Variants in ANXA1 observed in about 807,000 individuals in gnomAD.
ANXA1 encodes annexin A1.
A neutral mutation model predicts 47.9 loss-of-function variants in ANXA1; 39 were observed. The observed-to-expected ratio is 0.81, with a 90% CI of 0.63 to 1.06. The LOEUF is 1.06. ANXA1 is among the 50% of genes least tolerant of loss of function. ANXA1 has a pLI of 0.00. For synonymous variants in ANXA1, 146 were observed against 142.5 expected (o/e 1.02, Z -0.17); for missense variants, 446 against 422.7 (o/e 1.06, Z -0.48).
chr9:73,155,833 GCTCT>G (rs1258091950), intron 1 of ANXA1, among the ~76,000 whole-genome samples: 4 of 151,880 alleles, frequency 2.6e-5, no homozygotes, highest in Non-Finnish European at 4.4e-5. Context: ...CTCTAGGGAT[GCTCT>G]CTCTTTCAAA....
chr9:73,158,381 T>C (rs1402441378), intron 1 of ANXA1, 141 bp from the exon 2 acceptor site: 2 of 624,664 alleles, frequency 3.2e-6, no homozygotes, highest in Non-Finnish European at 2.8e-6. Flanking sequence ...CATTTTGTTA[T>C]GCTCCTAAGT....
At chr9:73,162,742 T>C (rs747664737) in intron 6 of ANXA1, 40 bp from the exon 7 acceptor site, 5 of 1,461,694 alleles carry the variant, frequency 3.4e-6, no homozygotes, top group Non-Finnish European at 4.8e-6. Flanking sequence ...TTATTATTCA[T>C]CACTGGTTTA....
rs1233393791 is a variant in ANXA1 at position 73,163,482 on chromosome 9, C to A, written c.562C>A (p.Arg188=). 1 of 1,612,534 alleles carries A rather than the reference C, an allele frequency of 6.2e-7. No individual in the cohort carries two copies. The highest frequency in any genetic ancestry group is 8.5e-7 in the Non-Finnish European group (1 of 1,179,002). ...NALLSLAKGD[R]SEDFGVNEDL... ...AGAATGGGATTTCTTTCAGGGTGAC[C>A]GATCTGAGGACTTTGGTGTGAATGA... Residue 188 remains arginine, a synonymous_variant, in exon 8 of 13, where the codon CGA becomes AGA. Coordinates refer to ENST00000257497, the MANE Select transcript of ANXA1 (RefSeq NM_000700.3).
intron 6 of ANXA1, among the ~76,000 whole-genome samples, chr9:73,161,921 T>G (rs1824149597): frequency 6.6e-6 from 1 of 152,158 alleles, no homozygotes; most frequent in Admixed American, 6.6e-5. Context: ...AAGAAATATC[T>G]GAGACCAAGT....
chr9:73,165,015 C>A, intron 8 of ANXA1, 101 bp from the exon 9 acceptor site: 1 of 857,586 alleles, frequency 1.2e-6, no homozygotes, highest in Non-Finnish European at 1.9e-6. Flanking sequence ...TTGTATTGGG[C>A]ACAAAGCGAT....
intron 8 of ANXA1, among the ~76,000 whole-genome samples, chr9:73,163,805 A>G (rs984109232): frequency 2.0e-5 from 3 of 152,030 alleles, no homozygotes; most frequent in African/African-American, 7.2e-5. Flanking sequence ...ATTGTTTGTT[A>G]AAAAAAACTC....
chr9:73,163,603 C>T, intron 8 of ANXA1, 71 bp downstream of exon 8: 1 of 1,496,166 alleles, frequency 6.7e-7, no homozygotes, highest in Non-Finnish European at 9.3e-7. Context: ...ACATGATCCC[C>T]TGTGAAAGCA....
At position 73,162,878 on chromosome 9, in the gene ANXA1, T is replaced by G; in HGVS notation, c.555+17T>G. 1 of 1,588,824 alleles carries G rather than the reference T, an allele frequency of 6.3e-7. No individual in the cohort carries two copies. The highest frequency in any genetic ancestry group is 8.6e-7 in the Non-Finnish European group (1 of 1,158,404). ...CTTGCTAAGGTACAACTCAGATACTTTAGGAAATGCCTCTTGTTTTATAAA... is the reference window on the plus strand; with the variant it reads ...CTTGCTAAGGTACAACTCAGATACTGTAGGAAATGCCTCTTGTTTTATAAA... On this transcript the variant is annotated intron_variant, in intron 7 of 12. Transcript: ENST00000257497.
At chr9:73,157,653 CAAAAAAAAAAAAA>C (rs373035373) in intron 1 of ANXA1, 4 of 42,634 alleles carry the variant, frequency 9.4e-5, no homozygotes, top group Non-Finnish European at 2.1e-4. Context: ...GACTCCATCT[CAAAAAAAAAAAAA>C]AAAAAAAAAG....
At chr9:73,161,868 A>G (rs1357018412) in intron 6 of ANXA1, among the ~76,000 whole-genome samples, 1 of 152,184 alleles carries the variant, frequency 6.6e-6, no homozygotes, top group African/African-American at 2.4e-5. Flanking sequence ...AGTTTATTAC[A>G]TTGCCCAGTT....
chr9:73,162,505 C>T (rs62541553), intron 6 of ANXA1, among the ~76,000 whole-genome samples: 10,427 of 152,194 alleles, frequency 0.069, 423 homozygotes, highest in East Asian at 0.16. Context: ...TATACCTATA[C>T]AATTTATTCT....
rs1300494148 is a variant in ANXA1, at chr9:73,160,903, A to G, written c.475+10A>G. On this transcript the variant is annotated intron_variant, in intron 6 of 12. Transcript: ENST00000257497. ...AGGGTCTACAGAGAGGGTAAGTTGT[A>G]ATGTCCAACAGTCCAAACGCCTTAT... is the stretch of plus-strand genomic sequence containing the variant. 1.9e-6 allele frequency: 3 copies of G among 1,564,268 alleles called. No homozygotes were observed. The highest frequency in any genetic ancestry group is 1.7e-5 in the Admixed American group (1 of 59,444).
rs1241856536 is a variant in ANXA1, at chr9:73,167,530, C to A, written c.836C>A (p.Ala279Glu). Residue 279 changes from alanine to glutamate, a missense_variant, in exon 11 of 13, where the codon GCA (alanine) becomes GAA (glutamate). Transcript: ENST00000257497. Reference protein sequence around the residue: ...KCATSKPAFFAEKLHQAMKGV... With the variant: ...KCATSKPAFFEEKLHQAMKGV... ...GCCACAAGCAAACCAGCTTTCTTTG[C>A]AGAGAAGCTTCATCAAGCCATGAAA... is the stretch of plus-strand genomic sequence containing the variant. 2 of 1,613,402 alleles carry A rather than the reference C, an allele frequency of 1.2e-6. No individual in the cohort carries two copies.
chr9:73,157,191 G>A (rs1824061265), intron 1 of ANXA1, among the ~76,000 whole-genome samples: 1 of 152,056 alleles, frequency 6.6e-6, no homozygotes, highest in Admixed American at 6.6e-5. Context: ...GCTCAAATAG[G>A]AAGAAATGTG....
At position 73,170,289 on chromosome 9, in the gene ANXA1, TA is replaced by T; in HGVS notation, c.*187del. On this transcript the variant is annotated 3_prime_UTR_variant, in exon 13 of 13. Coordinates refer to ENST00000257497, the MANE Select transcript of ANXA1 (RefSeq NM_000700.3). ...GTATAATAGAGATAAGTCCATTTTT[TA>T]AAAATGTTTTCCCCAAACCATAAAA... 2.4e-6 allele frequency: 1 copy of T among 419,518 alleles called. No homozygotes were observed. The highest frequency in any genetic ancestry group is 4.1e-5 in the Admixed American group (1 of 24,186). 26.0% of individuals were successfully genotyped at this position (419,518 alleles called of 1,614,324 possible). A position where few individuals can be genotyped will look rare whatever the true frequency, so the allele number is the denominator to read the frequency against.
chr9:73,162,208 A>G (rs552430136), intron 6 of ANXA1, among the ~76,000 whole-genome samples: 1 of 152,308 alleles, frequency 6.6e-6, no homozygotes, highest in Admixed American at 6.5e-5. Flanking sequence ...AATAAATTGC[A>G]ACATGAGACT....
At chr9:73,160,222 T>C in intron 4 of ANXA1, 41 bp from the exon 5 acceptor site, 2 of 1,396,482 alleles carry the variant, frequency 1.4e-6, no homozygotes, top group Non-Finnish European at 2.0e-6. Flanking sequence ...ACCTAGCATG[T>C]TACTTATTGG....
At chr9:73,169,279 G>T (rs1824285226) in intron 12 of ANXA1, 125 bp downstream of exon 12, 5 of 1,038,972 alleles carry the variant, frequency 4.8e-6, no homozygotes, top group Non-Finnish European at 6.5e-6. Context: ...ATATATTATG[G>T]TGTATACTTC....
In ANXA1 at chr9:73,166,195, A is replaced by T. The variant is rs1231947638; in HGVS notation, c.802+3A>T. 1 of 1,604,420 alleles carries T rather than the reference A, an allele frequency of 6.2e-7. No individual in the cohort carries two copies. The highest frequency in any genetic ancestry group is 1.3e-5 in the African/African-American group (1 of 74,692). On this transcript the variant is annotated splice_donor_region_variant and intron_variant, in intron 10 of 12. Coordinates refer to ENST00000257497, the MANE Select transcript of ANXA1 (RefSeq NM_000700.3). ...TGAGAAATGCCTCACAGCTATCGGT[A>T]TGTAGTCCAGCAGTTGAAAGAGTTT...
Sources: gnomAD v4.1 joint callset for allele counts (sites outside exome capture counted in the v4.1 genomes callset) on GRCh38, gnomAD v4.1.1 for gene constraint, MANE v1.5 for transcripts, NCBI Gene and HGNC (gene_info 2026-07-23, HGNC 2026-07-21) for gene names.